The following IGSF23 variants were observed in gnomAD, a reference collection of about 807,000 sequenced individuals.
The protein encoded by IGSF23 is immunoglobulin superfamily, member 23.
IGSF23 carries 14 observed loss-of-function variants against 17.8 expected under a neutral mutation model. The ratio of observed to expected loss-of-function variants is 0.79; its 90% CI spans 0.52 to 1.23. The LOEUF (loss-of-function observed/expected upper bound fraction) is 1.23, where lower values mean the gene tolerates loss of function less well. IGSF23 is among the 50% of genes most tolerant of loss of function. IGSF23 has a pLI of 0.00. For synonymous variants in IGSF23, 85 were observed against 92.5 expected (o/e 0.92, Z 0.46); for missense variants, 214 against 241.7 (o/e 0.89, Z 0.76).
intron 3 of IGSF23, among the ~76,000 whole-genome samples, chr19:44,628,357 C>T (rs539208795): frequency 2.0e-5 from 3 of 152,206 alleles, no homozygotes; most frequent in South Asian, 2.1e-4. Flanking sequence ...CTGAGGATAC[C>T]GAGGGAAGAA....
Position 44,623,814 on chromosome 19 carries a change from A to T in IGSF23, c.233A>T (p.Glu78Val), listed in dbSNP as rs749812874. 61 of 1,550,792 alleles carry T rather than the reference A, an allele frequency of 3.9e-5. No homozygotes were observed. The highest frequency in any genetic ancestry group is 3.1e-5 in the Non-Finnish European group (36 of 1,147,052). ...CAGTGGGTGGTGACAATGGACCCTG[A>T]GCCTGTGCTGAGCTGGACCTTCAGT... ...ILQWVVTMDP[E>V]PVLSWTFSGV... The change falls in exon 2 of 5, where the codon GAG becomes GTG. Residue 78 changes from glutamate to valine, a missense_variant. Physicochemically the swap from Glu to Val is moderately radical, Grantham distance 121. Transcript: ENST00000402988.
intron 1 of IGSF23, 24 bp downstream of exon 1, chr19:44,613,794 A>G: frequency 1.9e-6 from 3 of 1,549,876 alleles, no homozygotes; most frequent in Non-Finnish European, 2.6e-6. Flanking sequence ...GGAAGTGGCC[A>G]GGGTAGGGCA....
At chr19:44,623,176 G>C (rs111430076) in intron 1 of IGSF23, among the ~76,000 whole-genome samples, 2,412 of 152,322 alleles carry the variant, frequency 0.016, 67 homozygotes, top group African/African-American at 0.054. Context: ...TTCAAGGACA[G>C]ATAGTCTGTT....
chr19:44,634,558 G>A (rs992418917), intron 3 of IGSF23, among the ~76,000 whole-genome samples: 12 of 152,138 alleles, frequency 7.9e-5, no homozygotes, highest in African/African-American at 2.9e-4. Flanking sequence ...AGAACTGACA[G>A]CAGTCGCTCC....
chr19:44,630,627 C>T (rs1292895086), intron 3 of IGSF23, among the ~76,000 whole-genome samples: 1 of 152,236 alleles, frequency 6.6e-6, no homozygotes, highest in African/African-American at 2.4e-5. Context: ...TTGTGAGCAA[C>T]AGACTCCTGG....
chr19:44,628,022 G>A lies in IGSF23; in HGVS notation c.545+449G>A, dbSNP rs192436956. Among the ~76,000 whole-genome samples, 6 of 148,810 alleles carry A rather than the reference G, an allele frequency of 4.0e-5. No homozygotes were observed. The East Asian group carries it at 7.9e-4, about 20-fold the overall frequency. ...TGCAGTGGTGCGATCTCGGCTCACT[G>A]CAACCTCTGCTTGCCAGGTTCAAGC... On this transcript the variant is annotated intron_variant, in intron 3 of 4. Transcript: ENST00000402988.
At chr19:44,622,209 A>G (rs1046928941) in intron 1 of IGSF23, among the ~76,000 whole-genome samples, 4 of 127,664 alleles carry the variant, frequency 3.1e-5, no homozygotes, top group Non-Finnish European at 4.9e-5. Flanking sequence ...CCGTTTCAAG[A>G]AAAAAAAAAA....
rs557514110 is a variant in IGSF23, at chr19:44,622,867, T to G, written c.126-840T>G. On this transcript the variant is annotated intron_variant, in intron 1 of 4. Transcript: ENST00000402988. ...AACATTTTTTTCTTAGGAATCCACA[T>G]GGCTTATTCCTCTGCTTCTTCAGGA... Among the ~76,000 whole-genome samples, 162 of 152,266 alleles carry G rather than the reference T, an allele frequency of 1.1e-3. 1 individual carries two copies. The highest frequency in any genetic ancestry group is 3.8e-3 in the African/African-American group (158 of 41,560).
At chr19:44,633,446 G>T (rs1412139813) in intron 3 of IGSF23, among the ~76,000 whole-genome samples, 1 of 152,162 alleles carries the variant, frequency 6.6e-6, no homozygotes, top group African/African-American at 2.4e-5. Flanking sequence ...GATTTTGAAG[G>T]ATATATAATT....
intron 1 of IGSF23, among the ~76,000 whole-genome samples, chr19:44,617,346 C>A (rs1972406959): frequency 6.6e-6 from 1 of 151,880 alleles, no homozygotes; most frequent in Non-Finnish European, 1.5e-5. Context: ...TTGCCCAATT[C>A]TGTGAGTATA....
chr19:44,629,667 C>T (rs568680928), intron 3 of IGSF23, among the ~76,000 whole-genome samples: 72 of 134,904 alleles, frequency 5.3e-4, no homozygotes, highest in African/African-American at 1.9e-3. Context: ...CGGGGTCTCA[C>T]TCCATTGCCA....
chr19:44,633,284 G>A (rs1016019443), intron 3 of IGSF23, among the ~76,000 whole-genome samples: 1 of 152,216 alleles, frequency 6.6e-6, no homozygotes, highest in Non-Finnish European at 1.5e-5. Context: ...AAAGGTATAG[G>A]TTCTGGAAGC....
chr19:44,624,175 CTCT>C (rs1022575471), intron 2 of IGSF23, among the ~76,000 whole-genome samples: 18 of 152,024 alleles, frequency 1.2e-4, no homozygotes, highest in African/African-American at 2.9e-4. Flanking sequence ...TTCTTCTTTC[CTCT>C]TCTTCTTCTT....
chr19:44,627,381 C>T, intron 2 of IGSF23, 39 bp from the exon 3 acceptor site: 1 of 1,469,564 alleles, frequency 6.8e-7, no homozygotes, highest in Non-Finnish European at 9.1e-7. Flanking sequence ...GGAGGGCGGG[C>T]AGATGGCTCC....
intron 1 of IGSF23, among the ~76,000 whole-genome samples, chr19:44,622,263 G>C (rs1972539512): frequency 6.6e-6 from 1 of 150,654 alleles, no homozygotes; most frequent in South Asian, 2.1e-4. Context: ...CCTCTTGTTT[G>C]TACACCTAGT....
At position 44,614,715 on chromosome 19, in the gene IGSF23, A is replaced by T. The variant is rs1412371385; in HGVS notation, c.125+945A>T. Among the ~76,000 whole-genome samples, 7 of 152,222 alleles carry T rather than the reference A, an allele frequency of 4.6e-5. No individual in the cohort carries two copies. The East Asian group carries it at 1.4e-3, about 30-fold the overall frequency. On this transcript the variant is annotated intron_variant, in intron 1 of 4. Transcript: ENST00000402988. Reference sequence around the variant, plus strand: ...CCCAAGTGCCAGGATTACAGGCGTGAGCCACTGCGCCCAGCCTGTCAGCCC... The same window carrying T: ...CCCAAGTGCCAGGATTACAGGCGTGTGCCACTGCGCCCAGCCTGTCAGCCC...
chr19:44,625,442 G>A (rs924740733), intron 2 of IGSF23, among the ~76,000 whole-genome samples: 3 of 152,150 alleles, frequency 2.0e-5, no homozygotes, highest in Non-Finnish European at 4.4e-5. Flanking sequence ...CAGAGAAGTG[G>A]TTTGGGACCT....
chr19:44,614,638 C>T (rs1023695759), intron 1 of IGSF23, among the ~76,000 whole-genome samples: 1 of 152,016 alleles, frequency 6.6e-6, no homozygotes, highest in Admixed American at 6.5e-5. Context: ...TACTATGTTG[C>T]CCAGGCTAGT....
At chr19:44,633,972 T>A (rs910108804) in intron 3 of IGSF23, among the ~76,000 whole-genome samples, 1 of 152,238 alleles carries the variant, frequency 6.6e-6, no homozygotes, top group Non-Finnish European at 1.5e-5. Context: ...GACTCCTGTA[T>A]GTGTTTGTAC....
Sources: gnomAD v4.1 joint callset for allele counts (sites outside exome capture counted in the v4.1 genomes callset) on GRCh38, gnomAD v4.1.1 for gene constraint, MANE v1.5 for transcripts, NCBI Gene and HGNC (gene_info 2026-07-23, HGNC 2026-07-21) for gene names.